Variants in JARID2 observed in about 807,000 individuals in gnomAD.
JARID2 encodes protein Jumonji.
Under a neutral mutation model 125.6 loss-of-function variants are expected in JARID2, and 21 were observed. The ratio of observed to expected loss-of-function variants is 0.17; its 90% CI spans 0.12 to 0.24. The LOEUF (loss-of-function observed/expected upper bound fraction) is 0.24, where lower values mean the gene tolerates loss of function less well. Among genes scored for constraint, JARID2 ranks in the 10% least tolerant of loss-of-function variants. JARID2 has a pLI of 1.00. For missense variants in JARID2, 1,303 were observed against 1,639.6 expected, an observed-to-expected ratio of 0.79 and a Z score of 3.55; for synonymous variants, 736 against 661.6, an observed-to-expected ratio of 1.11 and a Z score of -1.73.
intron 3 of JARID2, among the ~76,000 whole-genome samples, chr6:15,426,328 A>G (rs1283287535): frequency 6.6e-6 from 1 of 152,168 alleles, no homozygotes; most frequent in African/African-American, 2.4e-5. Context: ...GCTGGCTGAG[A>G]GAGAAGGCAG....
intron 1 of JARID2, among the ~76,000 whole-genome samples, chr6:15,262,153 C>CT (rs56888368): frequency 0.27 from 37,975 of 139,186 alleles, 5,125 homozygotes; most frequent in South Asian, 0.46. Context: ...AATCTCATGC[C>CT]TTTTTTTTTT....
At chr6:15,414,543 C>CAAAAA (rs1766044426) in intron 3 of JARID2, among the ~76,000 whole-genome samples, 1 of 104,344 alleles carries the variant, frequency 9.6e-6, no homozygotes, top group East Asian at 2.7e-4. Flanking sequence ...AAACTCAAAA[C>CAAAAA]CGGTATATTT....
intron 1 of JARID2, among the ~76,000 whole-genome samples, chr6:15,279,499 G>C (rs1760670522): frequency 6.6e-6 from 1 of 152,202 alleles, no homozygotes; most frequent in African/African-American, 2.4e-5. Flanking sequence ...GGTCGTGGAA[G>C]TATGTGCCCA....
intron 1 of JARID2, among the ~76,000 whole-genome samples, chr6:15,253,826 C>T (rs752172703): frequency 5.9e-5 from 9 of 152,138 alleles, no homozygotes; most frequent in African/African-American, 9.7e-5. Context: ...CTGAAATAAC[C>T]GCCTACATTG....
chr6:15,325,078 T>C (rs149475076), intron 1 of JARID2, among the ~76,000 whole-genome samples: 7 of 152,270 alleles, frequency 4.6e-5, no homozygotes, highest in African/African-American at 1.7e-4. Flanking sequence ...ATACCACAAT[T>C]TCAAAACTTG....
chr6:15,271,225 A>T (rs1228135179), intron 1 of JARID2, among the ~76,000 whole-genome samples: 1 of 152,146 alleles, frequency 6.6e-6, no homozygotes, highest in African/African-American at 2.4e-5. Context: ...GATTGGGACC[A>T]AGGGAGGTTC....
intron 2 of JARID2, among the ~76,000 whole-genome samples, chr6:15,378,568 A>G (rs1764459602): frequency 6.6e-6 from 1 of 152,148 alleles, no homozygotes; most frequent in Non-Finnish European, 1.5e-5. Context: ...TGTGGTAGTG[A>G]CTTTCTTAAA....
intron 1 of JARID2, among the ~76,000 whole-genome samples, chr6:15,281,434 C>G (rs1760745717): frequency 6.6e-6 from 1 of 152,216 alleles, no homozygotes; most frequent in African/African-American, 2.4e-5. Context: ...ATGTTCAGAG[C>G]AAAATCTGAA....
intron 1 of JARID2, among the ~76,000 whole-genome samples, chr6:15,324,821 A>T (rs1762483870): frequency 6.6e-6 from 1 of 151,662 alleles, no homozygotes; most frequent in Admixed American, 6.6e-5. Flanking sequence ...GTTTGGAGCA[A>T]AGTACGGGTC....
chr6:15,516,267 C>T (rs1054209139), intron 16 of JARID2, among the ~76,000 whole-genome samples: 1 of 152,192 alleles, frequency 6.6e-6, no homozygotes, highest in African/African-American at 2.4e-5. Flanking sequence ...TGAGAAAGGC[C>T]TATGACTCTT....
At chr6:15,420,676 T>A (rs1342460947) in intron 3 of JARID2, among the ~76,000 whole-genome samples, 2 of 152,238 alleles carry the variant, frequency 1.3e-5, no homozygotes, top group Non-Finnish European at 2.9e-5. Flanking sequence ...ATGTTCGTAT[T>A]TCTCTACATA....
At chr6:15,479,236 T>C (rs2127701534) in intron 5 of JARID2, among the ~76,000 whole-genome samples, 1 of 152,334 alleles carries the variant, frequency 6.6e-6, no homozygotes, top group African/African-American at 2.4e-5. Context: ...AGGTCTGCCA[T>C]CCTTTCCTCA....
At chr6:15,453,273 C>CT (rs1768004149) in intron 4 of JARID2, among the ~76,000 whole-genome samples, 1 of 152,202 alleles carries the variant, frequency 6.6e-6, no homozygotes. Flanking sequence ...TGTCTGTAGT[C>CT]TGCTTAATCT....
chr6:15,248,672 C>T (rs1398940867), intron 1 of JARID2: 1 of 152,898 alleles, frequency 6.5e-6, no homozygotes, highest in African/African-American at 2.4e-5. Context: ...GGCGCCCCAG[C>T]CCTTCTTCCC....
chr6:15,507,092 C>A (rs767245264), intron 9 of JARID2, 44 bp from the exon 10 acceptor site: 1 of 1,265,700 alleles, frequency 7.9e-7, no homozygotes, highest in Non-Finnish European at 1.2e-6. Context: ...TCTGTGGCTG[C>A]AGCACCTTAG....
chr6:15,278,907 A>G (rs1366513495), intron 1 of JARID2, among the ~76,000 whole-genome samples: 3 of 152,174 alleles, frequency 2.0e-5, no homozygotes, highest in African/African-American at 7.2e-5. Flanking sequence ...TGTCTCTACT[A>G]AAAATACAAA....
chr6:15,399,754 A>G (rs1326451979), intron 2 of JARID2, among the ~76,000 whole-genome samples: 1 of 152,220 alleles, frequency 6.6e-6, no homozygotes, highest in Non-Finnish European at 1.5e-5. Context: ...TTCCACAACT[A>G]GGAAAGAAGA....
chr6:15,264,612 AGT>A (rs148424538), intron 1 of JARID2, among the ~76,000 whole-genome samples: 1,675 of 146,136 alleles, frequency 0.011, 13 homozygotes, highest in African/African-American at 0.014. Context: ...GGTAGGTGTG[AGT>A]GTGTGTGTGT....
chr6:15,424,509 G>A (rs772129861), intron 3 of JARID2, among the ~76,000 whole-genome samples: 2 of 152,190 alleles, frequency 1.3e-5, no homozygotes, highest in Non-Finnish European at 2.9e-5. Context: ...CCCTGGGGGA[G>A]TCAGTTATCT....
Sources: gnomAD v4.1 joint callset for allele counts (sites outside exome capture counted in the v4.1 genomes callset) on GRCh38, gnomAD v4.1.1 for gene constraint, MANE v1.5 for transcripts, NCBI Gene and HGNC (gene_info 2026-07-23, HGNC 2026-07-21) for gene names.